Variants in ZNF292 observed in about 807,000 individuals in gnomAD.
ZNF292 encodes the protein zinc finger protein 292.
In ZNF292, 26 loss-of-function variants were observed where a neutral mutation model predicts 217.9. The observed-to-expected ratio is 0.12, with a 90% CI of 0.09 to 0.17. The LOEUF is 0.17. Among genes scored for constraint, ZNF292 ranks in the 10% least tolerant of loss-of-function variants. The pLI is 1.00. For missense variants in ZNF292, 2,904 were observed against 3,175.2 expected (o/e 0.91, Z 2.05); for synonymous variants, 1,257 against 1,124.1 (o/e 1.12, Z -2.37).
At chr6:87,240,484 A>T (rs555751759) in intron 5 of ZNF292, among the ~76,000 whole-genome samples, 1 of 152,192 alleles carries the variant, frequency 6.6e-6, no homozygotes, top group African/African-American at 2.4e-5. Context: ...GTGCAGTGGC[A>T]CCATCTCAGC....
chr6:87,200,001 C>T lies in ZNF292; in HGVS notation c.169-15902C>T, dbSNP rs183275699. Among the ~76,000 whole-genome samples the T allele has an allele frequency of 9.4e-3, 1,436 of 152,222 alleles. 18 individuals carry two copies. Among genetic ancestry groups the T allele is most frequent in the African/African-American group, 0.033 (1,352 of 41,538 alleles). On this transcript the variant is annotated intron_variant, in intron 1 of 7. Transcript: ENST00000369577. ...ACTGTGGCAGCCTTTCTGGCTTATC[C>T]CCAGCAAGTTGAGATTGAGGCTCGT...
chr6:87,179,290 A>G lies in ZNF292; in HGVS notation c.168+23531A>G, dbSNP rs112456000. Among the ~76,000 whole-genome samples, 548 of 151,562 alleles carry G rather than the reference A, an allele frequency of 3.6e-3. 2 individuals are homozygous for G. The highest frequency in any genetic ancestry group is 0.013 in the African/African-American group (527 of 41,236). On this transcript the variant is annotated intron_variant, in intron 1 of 7. Transcript: ENST00000369577. ...TTTTTCCTGCCACAGCTTCCCGAGT[A>G]GCTGGGATTACAGGTGTGCACCATC... is the stretch of plus-strand genomic sequence containing the variant.
chr6:87,243,632 TTA>T, intron 6 of ZNF292, 21 bp downstream of exon 6: 1 of 1,447,836 alleles, frequency 6.9e-7, no homozygotes. Flanking sequence ...CTTTTTTTTT[TTA>T]AAGAAATATT....
At chr6:87,204,414 G>A (rs1772181015) in intron 1 of ZNF292, among the ~76,000 whole-genome samples, 1 of 152,094 alleles carries the variant, frequency 6.6e-6, no homozygotes, top group Admixed American at 6.5e-5. Flanking sequence ...TGAGGCATTA[G>A]GTTGGCCACT....
chr6:87,197,850 G>A (rs1478126214), intron 1 of ZNF292, among the ~76,000 whole-genome samples: 1 of 151,596 alleles, frequency 6.6e-6, no homozygotes, highest in Non-Finnish European at 1.5e-5. Flanking sequence ...GGTGTTTTCA[G>A]TCTTTGATTC....
intron 1 of ZNF292, among the ~76,000 whole-genome samples, chr6:87,188,302 TAGGGAAGGGAAACAACTCAGGCTG>T (rs1474442866): frequency 3.3e-5 from 5 of 152,210 alleles, no homozygotes; most frequent in Non-Finnish European, 7.3e-5. Flanking sequence ...TCAGCGTGGC[TAGGGAAGGGAAACAACTCAGGCTG>T]TTTTGATACC....
At chr6:87,253,391 G>C (rs1019666672) in intron 7 of ZNF292, among the ~76,000 whole-genome samples, 5 of 151,726 alleles carry the variant, frequency 3.3e-5, no homozygotes, top group Admixed American at 6.6e-5. Context: ...ACCACACCTG[G>C]CTAATTTTTG....
In ZNF292 at chr6:87,256,243, C is replaced by T; in HGVS notation, c.2614C>T (p.Leu872Phe). 7 of 1,613,844 alleles carry T rather than the reference C, an allele frequency of 4.3e-6. No individual in the cohort carries two copies. Among genetic ancestry groups the T allele is most frequent in the Non-Finnish European group, 5.9e-6 (7 of 1,179,812 alleles). Residue 872 changes from leucine to phenylalanine, a missense_variant, in exon 8 of 8, where the codon CTT becomes TTT. Transcript: ENST00000369577. ...GAATATTGAGAAAGAAAGATCTATG[C>T]TTCCTTCAGAAAATAACATTGAAAA... ...AENIEKERSM[L>F]PSENNIENSL...
At chr6:87,225,319 T>G (rs1773292837) in intron 4 of ZNF292, among the ~76,000 whole-genome samples, 1 of 152,192 alleles carries the variant, frequency 6.6e-6, no homozygotes, top group Non-Finnish European at 1.5e-5. Flanking sequence ...AAGAATCCTC[T>G]TGTGGCTTGT....
At chr6:87,222,580 T>A (rs1339553136) in intron 4 of ZNF292, among the ~76,000 whole-genome samples, 1 of 152,172 alleles carries the variant, frequency 6.6e-6, no homozygotes, top group African/African-American at 2.4e-5. Context: ...TTTAGAATAG[T>A]TTTAAATTTA....
At chr6:87,166,921 A>G (rs1296736444) in intron 1 of ZNF292, among the ~76,000 whole-genome samples, 1 of 152,144 alleles carries the variant, frequency 6.6e-6, no homozygotes, top group East Asian at 1.9e-4. Context: ...GTCCTCAGAT[A>G]TTAACACTTT....
intron 1 of ZNF292, among the ~76,000 whole-genome samples, chr6:87,195,379 G>A (rs952937834): frequency 1.3e-5 from 2 of 152,170 alleles, no homozygotes; most frequent in Admixed American, 6.5e-5. Context: ...AATTCAATGG[G>A]AAAAGTTTAA....
At chr6:87,198,297 C>T (rs763117851) in intron 1 of ZNF292, among the ~76,000 whole-genome samples, 34 of 152,102 alleles carry the variant, frequency 2.2e-4, no homozygotes, top group African/African-American at 8.0e-4. Flanking sequence ...CTCCGCCTCC[C>T]GGGTTCACAC....
At chr6:87,166,372 C>G (rs1044026806) in intron 1 of ZNF292, among the ~76,000 whole-genome samples, 10 of 152,130 alleles carry the variant, frequency 6.6e-5, no homozygotes, top group African/African-American at 2.4e-4. Flanking sequence ...CCCCCACAAT[C>G]TGGGAGAAAT....
chr6:87,231,072 A>G (rs1310489189), intron 4 of ZNF292, among the ~76,000 whole-genome samples: 1 of 152,188 alleles, frequency 6.6e-6, no homozygotes, highest in Non-Finnish European at 1.5e-5. Context: ...ATATTGTAAC[A>G]TTATAAGGAA....
intron 5 of ZNF292, among the ~76,000 whole-genome samples, chr6:87,235,836 C>A (rs1028297814): frequency 6.6e-6 from 1 of 151,982 alleles, no homozygotes; most frequent in African/African-American, 2.4e-5. Context: ...TATACTCCAT[C>A]CCAGGAAAAA....
chr6:87,198,499 C>T (rs1334093591), intron 1 of ZNF292, among the ~76,000 whole-genome samples: 2 of 152,116 alleles, frequency 1.3e-5, no homozygotes, highest in African/African-American at 2.4e-5. Context: ...GAGCCACGCC[C>T]GGCCCATTGC....
At chr6:87,225,589 A>C (rs930350639) in intron 4 of ZNF292, among the ~76,000 whole-genome samples, 7 of 152,140 alleles carry the variant, frequency 4.6e-5, no homozygotes, top group African/African-American at 1.7e-4. Context: ...CTTGGCTCTT[A>C]CTAGTCTCAC....
At chr6:87,197,681 ACT>A (rs1771990134) in intron 1 of ZNF292, among the ~76,000 whole-genome samples, 1 of 142,508 alleles carries the variant, frequency 7.0e-6, no homozygotes, top group Non-Finnish European at 1.5e-5. Context: ...AGGTCATGCC[ACT>A]GCACTCCAGC....
Sources: gnomAD v4.1 joint callset for allele counts (sites outside exome capture counted in the v4.1 genomes callset) on GRCh38, gnomAD v4.1.1 for gene constraint, MANE v1.5 for transcripts, NCBI Gene and HGNC (gene_info 2026-07-23, HGNC 2026-07-21) for gene names.